NRG1: variants seen among roughly 807,000 people sequenced by gnomAD.
The protein encoded by NRG1 is pro-neuregulin-1, membrane-bound isoform.
NRG1 carries 18 observed loss-of-function variants against 63.8 expected under a neutral mutation model. That is an observed-to-expected ratio of 0.28 (90% confidence interval 0.19 to 0.42). The LOEUF (loss-of-function observed/expected upper bound fraction) is 0.42. Ranked by LOEUF, NRG1 falls within the 10% of genes least tolerant of loss-of-function variation. NRG1 has a pLI of 1.00. For missense variants in NRG1, 762 were observed against 814.7 expected, an observed-to-expected ratio of 0.94 and a Z score of 0.79; for synonymous variants, 302 against 301.3, an observed-to-expected ratio of 1.00 and a Z score of -0.02.
chr8:32,479,537 G>T (rs1194057210), intron 1 of NRG1, among the ~76,000 whole-genome samples: 1 of 152,126 alleles, frequency 6.6e-6, no homozygotes, highest in Non-Finnish European at 1.5e-5. Context: ...ATTTGTCATA[G>T]TTCAAAGAAA....
chr8:32,417,002 A>G (rs1284708861), intron 1 of NRG1, among the ~76,000 whole-genome samples: 2 of 152,124 alleles, frequency 1.3e-5, no homozygotes, highest in Non-Finnish European at 1.5e-5. Context: ...CCAGCCTGCC[A>G]GATGATTCTG....
At chr8:32,659,151 T>TTTTC (rs1563880337) in intron 5 of NRG1, among the ~76,000 whole-genome samples, 27 of 143,028 alleles carry the variant, frequency 1.9e-4, no homozygotes, top group African/African-American at 7.8e-4. Flanking sequence ...CTTTTCTTTT[T>TTTTC]TTTTTTTTTT....
intron 1 of NRG1, among the ~76,000 whole-genome samples, chr8:32,516,366 C>T (rs926751870): frequency 7.2e-5 from 11 of 152,068 alleles, no homozygotes; most frequent in African/African-American, 2.7e-4. Flanking sequence ...TGATATGATG[C>T]CTCTGGCTTT....
intron 1 of NRG1, among the ~76,000 whole-genome samples, chr8:32,362,388 A>T (rs1259545528): frequency 6.6e-6 from 1 of 152,218 alleles, no homozygotes; most frequent in African/African-American, 2.4e-5. Flanking sequence ...TTTAAGATGC[A>T]CACGGAATAT....
chr8:32,537,685 G>A (rs1832155641), intron 1 of NRG1, among the ~76,000 whole-genome samples: 1 of 152,036 alleles, frequency 6.6e-6, no homozygotes, highest in Non-Finnish European at 1.5e-5. Context: ...ACTTTCATGA[G>A]CTCATTTAAT....
At chr8:31,956,653 G>T (rs1417986461) in intron 1 of NRG1, among the ~76,000 whole-genome samples, 2 of 152,096 alleles carry the variant, frequency 1.3e-5, no homozygotes, top group Non-Finnish European at 2.9e-5. Context: ...TGAGCCAAGC[G>T]CTCTACTTGA....
At chr8:31,673,961 C>T (rs950864886) in intron 1 of NRG1, among the ~76,000 whole-genome samples, 6 of 152,104 alleles carry the variant, frequency 3.9e-5, no homozygotes, top group Non-Finnish European at 7.4e-5. Context: ...GTTCCCACTC[C>T]TAAATCCAGT....
Position 31,729,480 on chromosome 8 carries a change from C to T in NRG1, c.37+90049C>T, listed in dbSNP as rs1252528514. On this transcript the variant is annotated intron_variant, in intron 1 of 10. Transcript: ENST00000519301. ...ATGATTTGTAAGTTAATAAAATTACCTAGAGCCAGATTCTACTGTCTAAAT... is the reference window on the plus strand; with the variant it reads ...ATGATTTGTAAGTTAATAAAATTACTTAGAGCCAGATTCTACTGTCTAAAT... Among the ~76,000 whole-genome samples, 6 of 152,010 alleles carry T rather than the reference C, an allele frequency of 3.9e-5. No homozygotes were observed. The East Asian group carries it at 1.2e-3, about 29-fold the overall frequency.
chr8:32,309,122 A>G (rs898316619), intron 1 of NRG1, among the ~76,000 whole-genome samples: 1 of 152,212 alleles, frequency 6.6e-6, no homozygotes, highest in African/African-American at 2.4e-5. Flanking sequence ...GAGACAGTGT[A>G]GTTTCAGAAA....
At chr8:32,725,921 A>G (rs1307728101) in intron 5 of NRG1, among the ~76,000 whole-genome samples, 1 of 152,190 alleles carries the variant, frequency 6.6e-6, no homozygotes, top group Admixed American at 6.5e-5. Flanking sequence ...ATGATTTTAC[A>G]GACCAAACAA....
chr8:31,776,536 CT>C (rs1485819868), intron 1 of NRG1, among the ~76,000 whole-genome samples: 1 of 152,098 alleles, frequency 6.6e-6, no homozygotes, highest in African/African-American at 2.4e-5. Flanking sequence ...CCACTTCCCA[CT>C]TTTTTTATAT....
At chr8:32,287,265 C>G (rs2129473733) in intron 1 of NRG1, 1 of 151,596 alleles carries the variant, frequency 6.6e-6, no homozygotes, top group South Asian at 2.1e-4. Flanking sequence ...ATGCCACATG[C>G]TATTGGCCAG....
chr8:31,782,180 CCTT>C (rs1045344700), intron 1 of NRG1, among the ~76,000 whole-genome samples: 128 of 152,266 alleles, frequency 8.4e-4, no homozygotes, highest in African/African-American at 2.9e-3. Flanking sequence ...GGGAATCTGG[CCTT>C]CTTCTTGGTC....
intron 1 of NRG1, among the ~76,000 whole-genome samples, chr8:32,140,514 G>A (rs1375214425): frequency 1.3e-5 from 2 of 151,370 alleles, no homozygotes; most frequent in Non-Finnish European, 2.9e-5. Flanking sequence ...CCATCCTGGA[G>A]TGCAGTGGCA....
At chr8:32,743,573 C>CAT (rs71879821) in intron 7 of NRG1, among the ~76,000 whole-genome samples, 84 of 113,710 alleles carry the variant, frequency 7.4e-4, no homozygotes, top group Non-Finnish European at 1.1e-3. Flanking sequence ...TAAGGCAAAA[C>CAT]ATATATATAT....
intron 1 of NRG1, among the ~76,000 whole-genome samples, chr8:32,226,380 G>GT (rs1846325332): frequency 6.6e-6 from 1 of 152,086 alleles, no homozygotes; most frequent in South Asian, 2.1e-4. Context: ...GGCTCGCTAC[G>GT]TATGTGTGTT....
At position 32,742,210 on chromosome 8, in the gene NRG1, C is replaced by G. The variant is rs1826484515; in HGVS notation, c.633-465C>G. On this transcript the variant is annotated intron_variant, in intron 6 of 11. Transcript: ENST00000356819. This position sits in a 1 kb window ranked among gnomAD's most constrained non-coding sequence, Gnocchi z 4.2. ...GGCTTAACCTCTCAAGGCATAAACC[C>G]ATTCAGTGTTACCTTATTTAACTGT... is the stretch of plus-strand genomic sequence containing the variant. 6.9e-6 allele frequency: 5 copies of G among 721,750 alleles called. No individual in the cohort carries two copies. Among genetic ancestry groups the G allele is most frequent in the Non-Finnish European group, 9.5e-6 (4 of 419,108 alleles). 44.7% of individuals were successfully genotyped at this position (721,750 alleles called of 1,614,324 possible).
At chr8:32,271,581 T>G (rs1439056153) in intron 1 of NRG1, among the ~76,000 whole-genome samples, 2 of 152,164 alleles carry the variant, frequency 1.3e-5, no homozygotes, top group Non-Finnish European at 2.9e-5. Context: ...AAATGGTCCT[T>G]ATTTTGTTGG....
intron 1 of NRG1, among the ~76,000 whole-genome samples, chr8:31,763,211 A>G (rs73242130): frequency 6.6e-6 from 1 of 152,354 alleles, no homozygotes; most frequent in Non-Finnish European, 1.5e-5. Context: ...ACAGCAAACA[A>G]CACATATAAT....
Sources: gnomAD v4.1 joint callset for allele counts (sites outside exome capture counted in the v4.1 genomes callset) on GRCh38, gnomAD v4.1.1 for gene constraint, Gnocchi (gnomAD v3.1) non-coding constraint, MANE v1.5 for transcripts, NCBI Gene and HGNC (gene_info 2026-07-23, HGNC 2026-07-21) for gene names.